HCN1: variants seen among roughly 807,000 people sequenced by gnomAD.
HCN1 encodes hyperpolarization activated cyclic nucleotide gated potassium channel 1, also known as potassium/sodium hyperpolarization-activated cyclic nucleotide-gated channel 1.
A neutral mutation model predicts 78.9 loss-of-function variants in HCN1; 13 were observed. The ratio of observed to expected loss-of-function variants is 0.16; its 90% CI spans 0.11 to 0.26. The LOEUF (loss-of-function observed/expected upper bound fraction) is 0.26, where lower values mean the gene tolerates loss of function less well. Among genes scored for constraint, HCN1 ranks in the 10% least tolerant of loss-of-function variants. The pLI is 1.00. For synonymous variants in HCN1, 552 were observed against 455.5 expected (o/e 1.21, Z -2.70); for missense variants, 810 against 1,154.3 (o/e 0.70, Z 4.32).
Position 45,371,911 on chromosome 5 carries a change from A to T in HCN1, c.1231-18665T>A, listed in dbSNP as rs1186810985. On this transcript the variant is annotated intron_variant, in intron 4 of 7. Coordinates refer to ENST00000303230, the MANE Select transcript of HCN1 (RefSeq NM_021072.4). The stretch of plus-strand genomic sequence containing the variant: ...AATATAATATACATTATATTATAAA[A>T]AATATATAATATACATTATATTATA... Among the ~76,000 whole-genome samples, 15 of 108,032 alleles carry T rather than the reference A, an allele frequency of 1.4e-4. 1 individual carries two copies. Among genetic ancestry groups the T allele is most frequent in the African/African-American group, 4.7e-4 (13 of 27,588 alleles). The allele number at this position is 108,032 out of a possible 152,430, so 70.9% of individuals were successfully genotyped here. A position where few individuals can be genotyped will look rare whatever the true frequency, so the allele number is the denominator to read the frequency against.
intron 2 of HCN1, 142 bp from the exon 3 acceptor site, chr5:45,462,149 G>T: frequency 1.5e-6 from 1 of 685,288 alleles, no homozygotes; most frequent in Non-Finnish European, 2.5e-6. Flanking sequence ...AATAGAAACA[G>T]ATTACATTTC....
intron 4 of HCN1, among the ~76,000 whole-genome samples, chr5:45,376,754 T>G (rs1747688359): frequency 6.6e-6 from 1 of 151,964 alleles, no homozygotes. Context: ...CTTGTGTCAC[T>G]GGGATTCTGA....
chr5:45,674,726 T>C (rs890015572), intron 1 of HCN1, among the ~76,000 whole-genome samples: 1 of 151,658 alleles, frequency 6.6e-6, no homozygotes, highest in Non-Finnish European at 1.5e-5. Context: ...TAGAGTACAA[T>C]AAACAATATT....
intron 2 of HCN1, among the ~76,000 whole-genome samples, chr5:45,553,874 T>C (rs910265204): frequency 8.6e-5 from 13 of 151,894 alleles, no homozygotes; most frequent in Non-Finnish European, 1.5e-4. Context: ...ACAGGACCCA[T>C]GAATGGGAGG....
chr5:45,652,037 A>G (rs1414433331), intron 1 of HCN1, among the ~76,000 whole-genome samples: 1 of 152,006 alleles, frequency 6.6e-6, no homozygotes, highest in African/African-American at 2.4e-5. Context: ...TTATCCAATG[A>G]GAATATGAGA....
At chr5:45,481,547 C>T (rs1413085526) in intron 2 of HCN1, among the ~76,000 whole-genome samples, 3 of 152,156 alleles carry the variant, frequency 2.0e-5, no homozygotes, top group African/African-American at 7.2e-5. Flanking sequence ...TGTGGTTAGA[C>T]TAGTGACTGG....
At chr5:45,438,072 T>C (rs900303157) in intron 3 of HCN1, among the ~76,000 whole-genome samples, 1 of 152,196 alleles carries the variant, frequency 6.6e-6, no homozygotes, top group South Asian at 2.1e-4. Context: ...ATATCATAAC[T>C]TCTAACATAT....
chr5:45,374,586 A>G (rs1440993272), intron 4 of HCN1, among the ~76,000 whole-genome samples: 1 of 150,332 alleles, frequency 6.7e-6, no homozygotes, highest in African/African-American at 2.4e-5. Context: ...AAGTGCTGGT[A>G]GCATTTCTAC....
At chr5:45,442,531 G>T (rs114516730) in intron 3 of HCN1, among the ~76,000 whole-genome samples, 1 of 150,764 alleles carries the variant, frequency 6.6e-6, no homozygotes, top group East Asian at 1.9e-4. Context: ...AATATAAAAC[G>T]TGCATATGCA....
At chr5:45,371,940 A>C (rs1384121182) in intron 4 of HCN1, among the ~76,000 whole-genome samples, 3 of 101,908 alleles carry the variant, frequency 2.9e-5, no homozygotes, top group Non-Finnish European at 5.5e-5. Context: ...TATTATATAT[A>C]ATATATAATA....
At chr5:45,553,896 C>T (rs1040404012) in intron 2 of HCN1, among the ~76,000 whole-genome samples, 22 of 151,796 alleles carry the variant, frequency 1.4e-4, no homozygotes, top group African/African-American at 3.9e-4. Flanking sequence ...CCAACTGTAC[C>T]TGGAAGTCAC....
intron 2 of HCN1, among the ~76,000 whole-genome samples, chr5:45,598,780 A>G (rs183104754): frequency 2.0e-5 from 3 of 152,360 alleles, no homozygotes; most frequent in Admixed American, 6.5e-5. Flanking sequence ...TCTCAAAAGA[A>G]GACATTTATG....
chr5:45,431,414 C>T (rs958578710), intron 3 of HCN1, among the ~76,000 whole-genome samples: 1 of 152,098 alleles, frequency 6.6e-6, no homozygotes, highest in Non-Finnish European at 1.5e-5. Flanking sequence ...GGTTCTTTTG[C>T]TGTGCAGAAA....
intron 2 of HCN1, among the ~76,000 whole-genome samples, chr5:45,472,787 T>C (rs1257955677): frequency 2.6e-5 from 4 of 152,024 alleles, no homozygotes; most frequent in African/African-American, 7.2e-5. Context: ...TAAATTTATA[T>C]ACACATTTCA....
intron 5 of HCN1, among the ~76,000 whole-genome samples, chr5:45,307,616 C>A (rs1184976455): frequency 6.6e-6 from 1 of 151,978 alleles, no homozygotes; most frequent in East Asian, 1.9e-4. Flanking sequence ...GAAAGTTCTG[C>A]AAAATATTTG....
intron 3 of HCN1, among the ~76,000 whole-genome samples, chr5:45,445,608 A>C (rs536058113): frequency 4.5e-4 from 68 of 151,680 alleles, no homozygotes; most frequent in African/African-American, 1.5e-3. Flanking sequence ...GACCCCTGAC[A>C]CCCGAGCAGC....
Position 45,458,681 on chromosome 5 carries a change from CAG to C in HCN1, c.1011+3163_1011+3164del, listed in dbSNP as rs1212775247. On this transcript the variant is annotated intron_variant, in intron 3 of 7. Transcript: ENST00000303230. The stretch of plus-strand genomic sequence containing the variant: ...CCAACATGGTTTAGAGCAGAAATTA[CAG>C]AGTCAGATATATAAGCATTCTACTC... Among the ~76,000 whole-genome samples the C allele has an allele frequency of 2.0e-5, 3 of 152,246 alleles. No individual in the cohort carries two copies. The East Asian group carries it at 5.8e-4, about 29-fold the overall frequency.
chr5:45,330,196 C>A (rs780404006), intron 5 of HCN1, among the ~76,000 whole-genome samples: 2 of 151,230 alleles, frequency 1.3e-5, no homozygotes, highest in African/African-American at 4.8e-5. Flanking sequence ...TCCACTTGTG[C>A]TTTTGTATGT....
intron 3 of HCN1, among the ~76,000 whole-genome samples, chr5:45,401,344 AT>A (rs925545610): frequency 2.3e-4 from 35 of 151,720 alleles, no homozygotes; most frequent in South Asian, 1.9e-3. Flanking sequence ...CTCTAATGAA[AT>A]TTTTTTTTCC....
Sources: gnomAD v4.1 joint callset for allele counts (sites outside exome capture counted in the v4.1 genomes callset) on GRCh38, gnomAD v4.1.1 for gene constraint, MANE v1.5 for transcripts, NCBI Gene and HGNC (gene_info 2026-07-23, HGNC 2026-07-21) for gene names.